The following PLEKHM3 variants were observed in gnomAD, a reference collection of about 807,000 sequenced individuals.
The protein encoded by PLEKHM3 is pleckstrin homology domain containing M3.
In PLEKHM3, 45 loss-of-function variants were observed where a neutral mutation model predicts 81.8. That is an observed-to-expected ratio of 0.55 (90% CI 0.43 to 0.71). PLEKHM3 has a LOEUF of 0.71. Ranked by LOEUF, PLEKHM3 falls within the 30% of genes least tolerant of loss-of-function variation. PLEKHM3 has a pLI of 0.00. For synonymous variants in PLEKHM3, 352 were observed against 356.4 expected (o/e 0.99, Z 0.14); for missense variants, 788 against 924.3 (o/e 0.85, Z 1.91).
At chr2:207,962,201 G>C (rs967440731) in intron 3 of PLEKHM3, among the ~76,000 whole-genome samples, 2 of 152,180 alleles carry the variant, frequency 1.3e-5, no homozygotes, top group African/African-American at 4.8e-5. Flanking sequence ...CTTTGAGCCA[G>C]CCTGACCTCC....
chr2:207,965,989 C>T (rs1383756832), intron 3 of PLEKHM3, among the ~76,000 whole-genome samples: 2 of 152,232 alleles, frequency 1.3e-5, no homozygotes, highest in Non-Finnish European at 2.9e-5. Context: ...AGGAACCACA[C>T]AGAGCAAAGT....
chr2:207,965,805 A>G (rs1690890178), intron 3 of PLEKHM3, among the ~76,000 whole-genome samples: 1 of 152,366 alleles, frequency 6.6e-6, no homozygotes, highest in South Asian at 2.1e-4. Flanking sequence ...AGAGCCAGGA[A>G]AAGAATTTCC....
chr2:207,836,585 G>C (rs942619427), intron 7 of PLEKHM3, among the ~76,000 whole-genome samples: 1 of 152,216 alleles, frequency 6.6e-6, no homozygotes, highest in African/African-American at 2.4e-5. Context: ...AAAGAGGCAA[G>C]AATTCCTGGC....
chr2:207,901,297 A>T (rs1160351144), intron 6 of PLEKHM3: 5 of 702,946 alleles, frequency 7.1e-6, no homozygotes, highest in Non-Finnish European at 1.3e-5. Context: ...ATTTGGCTGT[A>T]GTGCCTGGGT....
chr2:207,920,200 G>A (rs1255795725), intron 5 of PLEKHM3, among the ~76,000 whole-genome samples: 1 of 152,176 alleles, frequency 6.6e-6, no homozygotes. Context: ...CCATTAAATT[G>A]CTTCGGAATG....
At chr2:208,016,886 T>C (rs1319517965) in intron 1 of PLEKHM3, among the ~76,000 whole-genome samples, 1 of 152,190 alleles carries the variant, frequency 6.6e-6, no homozygotes, top group Non-Finnish European at 1.5e-5. Context: ...TCCGTATCCA[T>C]GGGGGACTGG....
At chr2:207,934,207 C>T (rs994447945) in intron 4 of PLEKHM3, among the ~76,000 whole-genome samples, 2 of 152,094 alleles carry the variant, frequency 1.3e-5, no homozygotes, top group African/African-American at 4.8e-5. Context: ...TATATGTGAA[C>T]ACTGACTATG....
At chr2:208,007,061 C>A (rs559441564) in intron 1 of PLEKHM3, among the ~76,000 whole-genome samples, 1 of 152,120 alleles carries the variant, frequency 6.6e-6, no homozygotes, top group African/African-American at 2.4e-5. Flanking sequence ...CTGAGCTGGA[C>A]GGTAAAAGCG....
chr2:207,970,280 T>C (rs1691069390), intron 3 of PLEKHM3, among the ~76,000 whole-genome samples: 1 of 142,490 alleles, frequency 7.0e-6, no homozygotes, highest in Non-Finnish European at 1.5e-5. Flanking sequence ...CAAACAAAAA[T>C]GAAACTCTCT....
In PLEKHM3 at chr2:207,908,501, T is replaced by A. The variant is rs1437990880; in HGVS notation, c.1950+13A>T. 2 of 1,608,170 alleles carry A rather than the reference T, an allele frequency of 1.2e-6. No homozygotes were observed. Among genetic ancestry groups the A allele is most frequent in the Admixed American group, 3.4e-5 (2 of 58,948 alleles). ...AAAGCAACAAAAATGAAACAGCCCC[T>A]CTGAGCACTTACCTGCTGCAGGTCG... On this transcript the variant is annotated intron_variant, in intron 6 of 7. Transcript: ENST00000427836.
chr2:207,929,497 G>A lies in PLEKHM3; in HGVS notation c.1886+1429C>T, dbSNP rs753978954. ...GCTCTGAGCAAAGCCAAAAGGTACT[G>A]AAAATAATAGAACATACTTTGAACA... On this transcript the variant is annotated intron_variant, in intron 5 of 7. Transcript: ENST00000427836. 2.0e-5 allele frequency among the ~76,000 whole-genome samples: 3 copies of A among 152,160 alleles called. No individual in the cohort carries two copies. The South Asian group carries it at 6.2e-4, about 32-fold the overall frequency.
chr2:207,953,651 AAC>A (rs1453917218), intron 3 of PLEKHM3, among the ~76,000 whole-genome samples: 1 of 152,112 alleles, frequency 6.6e-6, no homozygotes, highest in East Asian at 1.9e-4. Flanking sequence ...CCCTACTAAA[AAC>A]ACAAAAATTA....
chr2:207,977,915 C>A (rs930814814), intron 2 of PLEKHM3, among the ~76,000 whole-genome samples: 1 of 151,884 alleles, frequency 6.6e-6, no homozygotes, highest in Non-Finnish European at 1.5e-5. Flanking sequence ...AGTGAGAGCC[C>A]GTCTCTATAA....
intron 5 of PLEKHM3, among the ~76,000 whole-genome samples, chr2:207,929,318 CAT>C (rs1479823356): frequency 1.3e-5 from 2 of 152,204 alleles, no homozygotes; most frequent in East Asian, 3.9e-4. Context: ...CTTAGTCATC[CAT>C]ATGAGGAGAG....
At chr2:207,852,418 C>T (rs1040992673) in intron 7 of PLEKHM3, among the ~76,000 whole-genome samples, 2 of 152,126 alleles carry the variant, frequency 1.3e-5, no homozygotes, top group Non-Finnish European at 2.9e-5. Flanking sequence ...CTTTCAATCC[C>T]AGCACCTTCT....
intron 1 of PLEKHM3, among the ~76,000 whole-genome samples, chr2:208,008,402 A>G (rs1692569665): frequency 6.8e-6 from 1 of 146,070 alleles, no homozygotes; most frequent in African/African-American, 2.5e-5. Flanking sequence ...CTTTTATCCA[A>G]TATTTAATTG....
At chr2:207,929,521 C>T (rs1468921129) in intron 5 of PLEKHM3, among the ~76,000 whole-genome samples, 1 of 152,156 alleles carries the variant, frequency 6.6e-6, no homozygotes, top group Non-Finnish European at 1.5e-5. Context: ...ATACTTTGAA[C>T]ATTAAAAATC....
intron 3 of PLEKHM3, among the ~76,000 whole-genome samples, chr2:207,974,360 A>G (rs1398297848): frequency 6.6e-6 from 1 of 152,176 alleles, no homozygotes; most frequent in African/African-American, 2.4e-5. Context: ...CAGGAATGCT[A>G]CGAATGCAGT....
Position 207,988,524 on chromosome 2 carries a change from A to G in PLEKHM3, c.611-10938T>C, listed in dbSNP as rs546130969. ...GCCTTTTAGTATCAAAAGAAGAAAC[A>G]TTTTGCTTCCTTGCTATAGCAGACC... On this transcript the variant is annotated intron_variant, in intron 2 of 7. Transcript: ENST00000427836. 5.3e-5 allele frequency among the ~76,000 whole-genome samples: 8 copies of G among 152,318 alleles called. No homozygotes were observed. The South Asian group carries it at 1.0e-3, about 20-fold the overall frequency.
Sources: gnomAD v4.1 joint callset for allele counts (sites outside exome capture counted in the v4.1 genomes callset) on GRCh38, gnomAD v4.1.1 for gene constraint, MANE v1.5 for transcripts, NCBI Gene and HGNC (gene_info 2026-07-23, HGNC 2026-07-21) for gene names.